The following ABR variants were observed in gnomAD, a reference collection of about 807,000 sequenced individuals.
ABR encodes ABR activator of RhoGEF and GTPase.
A neutral mutation model predicts 107.2 loss-of-function variants in ABR; 35 were observed. That is an observed-to-expected ratio of 0.33 (90% CI 0.25 to 0.43). ABR has a LOEUF of 0.43. Ranked by LOEUF, ABR falls within the 20% of genes least tolerant of loss-of-function variation. ABR has a pLI of 1.00. For missense variants in ABR, 815 were observed against 1,115.2 expected, an observed-to-expected ratio of 0.73 and a Z score of 3.83; for synonymous variants, 498 against 462.0, an observed-to-expected ratio of 1.08 and a Z score of -1.00.
chr17:1,076,729 T>TGGG (rs1214622660), intron 6 of ABR, among the ~76,000 whole-genome samples: 2 of 13,538 alleles, frequency 1.5e-4, no homozygotes, highest in Middle Eastern at 0.026. Context: ...GGGGTGGGGG[T>TGGG]GGGGGGGGTG....
intron 16 of ABR, among the ~76,000 whole-genome samples, chr17:1,038,251 C>T (rs974971271): frequency 1.3e-5 from 2 of 152,134 alleles, no homozygotes; most frequent in African/African-American, 4.8e-5. Flanking sequence ...CCAGCAGCTC[C>T]TAGAGGCAGT....
At chr17:1,195,261 C>G (rs1386520287) in intron 1 of ABR, among the ~76,000 whole-genome samples, 1 of 138,964 alleles carries the variant, frequency 7.2e-6, no homozygotes, top group Non-Finnish European at 1.6e-5. Context: ...GAGCGGAGAT[C>G]GCGCCACAGC....
intron 1 of ABR, among the ~76,000 whole-genome samples, chr17:1,134,948 G>A (rs2039992244): frequency 6.6e-6 from 1 of 152,250 alleles, no homozygotes; most frequent in South Asian, 2.1e-4. Flanking sequence ...GCCGCTGCGG[G>A]GGTTAAACTG....
chr17:1,083,546 T>G lies in ABR; in HGVS notation c.613A>C (p.Asn205His). The change falls in exon 5 of 23, where the codon AAC (asparagine) becomes CAC (histidine). Residue 205 changes from asparagine (N) to histidine (H), a missense_variant. Asn to His is a moderately conservative substitution (Grantham distance 68, BLOSUM62 1). Around this residue, in one of 5 missense-constraint regions of ABR, gnomAD observed 385 missense variants for 596.9 expected, o/e 0.64. Coordinates refer to ENST00000302538, the MANE Select transcript of ABR (RefSeq NM_021962.5). ...LETAEKCSQS[N>H]NQFQKISEEL... ...TCTGAGATCTTCTGGAACTGGTTGT[T>G]GGACTGGCTGCACTTCTCAGCTGTC... 1 of 1,610,834 alleles carries G rather than the reference T, an allele frequency of 6.2e-7. No individual in the cohort carries two copies. The highest frequency in any genetic ancestry group is 8.5e-7 in the Non-Finnish European group (1 of 1,177,698).
rs751688977 is a variant in ABR at position 1,074,908 on chromosome 17, T to C, written c.701-1231A>G. 4.0e-4 allele frequency among the ~76,000 whole-genome samples: 61 copies of C among 152,236 alleles called. 1 individual carries two copies. The Middle Eastern group carries it at 0.01, about 25-fold the overall frequency. On this transcript the variant is annotated intron_variant, in intron 6 of 22. Coordinates refer to ENST00000302538, the MANE Select transcript of ABR (RefSeq NM_021962.5). Reference sequence around the variant, plus strand: ...TTGTAGCGAGCCAAGATCATGCCACTGCACTCCAGCCTGGGTAACAAGAGC... The same window carrying C: ...TTGTAGCGAGCCAAGATCATGCCACCGCACTCCAGCCTGGGTAACAAGAGC...
chr17:1,031,559 G>A, intron 16 of ABR: 1 of 74,974 alleles, frequency 1.3e-5, no homozygotes, highest in East Asian at 4.5e-4. Flanking sequence ...CAGCGCCCCC[G>A]AGCCCCCACC....
At position 1,010,872 on chromosome 17, in the gene ABR, G is replaced by A; in HGVS notation, c.2102-9C>T. 6.2e-7 allele frequency: 1 copy of A among 1,613,182 alleles called. No individual in the cohort carries two copies. ...CAGGATGTCCTTGTTATCTGCAGGGGTGGGGCCGAGGTCAGGCAGCCTTAG... is the reference window on the plus strand; with the variant it reads ...CAGGATGTCCTTGTTATCTGCAGGGATGGGGCCGAGGTCAGGCAGCCTTAG... On this transcript the variant is annotated splice_polypyrimidine_tract_variant and intron_variant, in intron 19 of 22. Transcript: ENST00000302538. This position sits in a 1 kb window ranked among gnomAD's most constrained non-coding sequence, Gnocchi z 4.1.
intron 10 of ABR, among the ~76,000 whole-genome samples, chr17:1,061,741 T>A (rs2151099474): frequency 6.6e-6 from 1 of 152,236 alleles, no homozygotes; most frequent in Non-Finnish European, 1.5e-5. Flanking sequence ...GAGACGGGGC[T>A]TCATGATGTT....
At position 1,051,407 on chromosome 17, in the gene ABR, C is replaced by G. The variant is rs1056518268; in HGVS notation, c.1562-773G>C. On this transcript the variant is annotated intron_variant, in intron 14 of 22. Coordinates refer to ENST00000302538, the MANE Select transcript of ABR (RefSeq NM_021962.5). The surrounding 1 kb of genome is among the most constrained non-coding windows in gnomAD (Gnocchi z 4.3). The stretch of plus-strand genomic sequence containing the variant: ...CACCACCACCAAGCGCTCCAGGTAA[C>G]AAGGCAGTGGAGGGCTGGGGCGGGA... Among the ~76,000 whole-genome samples the G allele has an allele frequency of 1.3e-5, 2 of 150,792 alleles. No individual in the cohort carries two copies. The highest frequency in any genetic ancestry group is 3.0e-5 in the Non-Finnish European group (2 of 67,550).
intron 3 of ABR, among the ~76,000 whole-genome samples, chr17:1,096,822 T>C (rs561273016): frequency 0.011 from 636 of 57,552 alleles, 7 homozygotes; most frequent in African/African-American, 0.042. Context: ...AGGAGAGAGC[T>C]GGGGAAGGGG....
chr17:1,148,882 ATTTTC>A lies in ABR; in HGVS notation c.62-23520_62-23516del, dbSNP rs1414493156. Among the ~76,000 whole-genome samples the A allele has an allele frequency of 3.3e-5, 5 of 151,560 alleles. No homozygotes were observed. The highest frequency in any genetic ancestry group is 1.2e-4 in the African/African-American group (5 of 41,164). On this transcript the variant is annotated intron_variant, in intron 1 of 22. Coordinates refer to ENST00000302538, the MANE Select transcript of ABR (RefSeq NM_021962.5). This position sits in a 1 kb window ranked among gnomAD's most constrained non-coding sequence, Gnocchi z 4.9. ...TTTTAGGCATGTGTATTTTGCCATG[ATTTTC>A]TTTTGTTTTTTGTTTTTGTTTTTGT...
intron 2 of ABR, among the ~76,000 whole-genome samples, chr17:1,122,680 T>C (rs903287393): frequency 2.6e-5 from 4 of 152,124 alleles, no homozygotes; most frequent in African/African-American, 9.7e-5. Flanking sequence ...TCTCCAGCTA[T>C]TGACTGCAGA....
intron 1 of ABR, among the ~76,000 whole-genome samples, chr17:1,216,716 T>C (rs1298694264): frequency 6.6e-6 from 1 of 152,220 alleles, no homozygotes; most frequent in Non-Finnish European, 1.5e-5. Flanking sequence ...CTCTAAGGAC[T>C]GCGCTGTCCT....
chr17:1,192,921 G>A (rs145664109), intron 1 of ABR, among the ~76,000 whole-genome samples: 13 of 152,058 alleles, frequency 8.5e-5, no homozygotes, highest in African/African-American at 1.4e-4. Context: ...GGTGGCGGGC[G>A]CCTGTAATCC....
At chr17:1,211,671 A>G (rs2042905487) in intron 1 of ABR, among the ~76,000 whole-genome samples, 1 of 152,198 alleles carries the variant, frequency 6.6e-6, no homozygotes, top group Non-Finnish European at 1.5e-5. Context: ...CACAGCTAGT[A>G]AGGGGTAGAG....
intron 16 of ABR, among the ~76,000 whole-genome samples, chr17:1,020,107 G>A (rs924419533): frequency 2.0e-5 from 3 of 151,644 alleles, no homozygotes; most frequent in African/African-American, 4.8e-5. Context: ...TTTTTGAGAC[G>A]GAGTCGCACT....
Position 1,050,208 on chromosome 17 carries a change from T to C in ABR, c.1660-27A>G, listed in dbSNP as rs1268306035. On this transcript the variant is annotated intron_variant, in intron 15 of 22. Coordinates refer to ENST00000302538, the MANE Select transcript of ABR (RefSeq NM_021962.5). The surrounding 1 kb of genome is among the most constrained non-coding windows in gnomAD (Gnocchi z 4.6). ...TGGGGAAAGATGGGACAAAGGGCCC[T>C]GAACCTCCGAAGCTGGGAGGCCTGG... The C allele has an allele frequency of 1.9e-6, 3 of 1,600,694 alleles. No individual in the cohort carries two copies. Among genetic ancestry groups the C allele is most frequent in the Non-Finnish European group, 8.5e-7 (1 of 1,175,214 alleles).
intron 16 of ABR, among the ~76,000 whole-genome samples, chr17:1,014,362 A>C: frequency 2.3e-5 from 3 of 131,802 alleles, no homozygotes; most frequent in Non-Finnish European, 4.8e-5. Flanking sequence ...AATAGCGTGA[A>C]CCCGGGAGGC....
chr17:1,178,702 C>A (rs1450762469), intron 1 of ABR, among the ~76,000 whole-genome samples: 3 of 152,224 alleles, frequency 2.0e-5, no homozygotes, highest in Admixed American at 1.3e-4. Context: ...GTGGGAGGGT[C>A]CCACTCACGT....
Sources: allele counts gnomAD v4.1 joint callset (sites outside exome capture counted in the v4.1 genomes callset), GRCh38; gene constraint gnomAD v4.1.1; regional missense constraint gnomAD v4.1.1; non-coding constraint Gnocchi (gnomAD v3.1); transcripts MANE v1.5; gene names NCBI Gene and HGNC (gene_info 2026-07-23, HGNC 2026-07-21).